FANCL: variants seen among roughly 807,000 people sequenced by gnomAD.
The protein encoded by FANCL is E3 ubiquitin-protein ligase FANCL.
In FANCL, 69 loss-of-function variants were observed where a neutral mutation model predicts 59.4. The ratio of observed to expected loss-of-function variants is 1.16; its 90% CI spans 0.96 to 1.42. FANCL has a LOEUF of 1.42. FANCL is among the 40% of genes most tolerant of loss of function. The pLI, the probability that FANCL is intolerant of heterozygous loss-of-function variation, is 0.00. For missense variants in FANCL, 519 were observed against 447.2 expected (o/e 1.16, Z -1.45); for synonymous variants, 180 against 147.1 (o/e 1.22, Z -1.62).
chr2:58,205,117 T>C (rs1690457469), intron 5 of FANCL, among the ~76,000 whole-genome samples: 1 of 152,016 alleles, frequency 6.6e-6, no homozygotes, highest in African/African-American at 2.4e-5. Context: ...AGGCTGATAG[T>C]AAGACCCATT....
intron 5 of FANCL, among the ~76,000 whole-genome samples, chr2:58,214,654 A>G (rs1029645631): frequency 6.6e-6 from 1 of 151,652 alleles, no homozygotes; most frequent in African/African-American, 2.4e-5. Flanking sequence ...GGTGCGTACC[A>G]CCACACCTAA....
chr2:58,213,870 C>T (rs1691433327), intron 5 of FANCL, among the ~76,000 whole-genome samples: 1 of 152,090 alleles, frequency 6.6e-6, no homozygotes, highest in Admixed American at 6.6e-5. Context: ...TGGTAAGATA[C>T]TTTTTATTAG....
intron 1 of FANCL, among the ~76,000 whole-genome samples, chr2:58,237,326 A>T (rs552428803): frequency 6.6e-6 from 1 of 152,296 alleles, no homozygotes; most frequent in East Asian, 1.9e-4. Context: ...AAAGATATCT[A>T]GAAAATCCTT....
chr2:58,214,941 C>T (rs1265238648), intron 5 of FANCL, among the ~76,000 whole-genome samples: 1 of 152,300 alleles, frequency 6.6e-6, no homozygotes, highest in East Asian at 1.9e-4. Context: ...AACGCTTCAA[C>T]TGATTTTTCT....
intron 7 of FANCL, among the ~76,000 whole-genome samples, chr2:58,198,308 C>G (rs2105098054): frequency 6.6e-6 from 1 of 152,188 alleles, no homozygotes; most frequent in South Asian, 2.1e-4. Context: ...CAACTGCAGA[C>G]AGAAAATATT....
chr2:58,182,951 T>G (rs980646443), intron 7 of FANCL, among the ~76,000 whole-genome samples: 3 of 151,830 alleles, frequency 2.0e-5, no homozygotes, highest in Non-Finnish European at 4.4e-5. Context: ...TCCCTTAGCA[T>G]TTGTAATACG....
At chr2:58,221,436 TA>T (rs966351930) in intron 5 of FANCL, among the ~76,000 whole-genome samples, 20 of 150,314 alleles carry the variant, frequency 1.3e-4, no homozygotes, top group South Asian at 2.1e-4. Flanking sequence ...GCATCAGTTT[TA>T]AAAAAAAAAT....
chr2:58,234,537 A>G (rs1558828496), intron 1 of FANCL, among the ~76,000 whole-genome samples: 1 of 151,914 alleles, frequency 6.6e-6, no homozygotes. Context: ...CAGAGTACAT[A>G]TAATTGGAGA....
intron 7 of FANCL, among the ~76,000 whole-genome samples, chr2:58,166,096 GGTT>G (rs1685925234): frequency 6.6e-6 from 1 of 151,942 alleles, no homozygotes; most frequent in African/African-American, 2.4e-5. Flanking sequence ...GAGAAAGAAT[GGTT>G]TTTTAAAAAT....
At chr2:58,191,952 G>T (rs1240936180) in intron 7 of FANCL, among the ~76,000 whole-genome samples, 1 of 151,746 alleles carries the variant, frequency 6.6e-6, no homozygotes, top group Non-Finnish European at 1.5e-5. Context: ...TTTACACAAG[G>T]TCATGCACTG....
Position 58,198,620 on chromosome 2 carries a change from G to C in FANCL, c.514C>G (p.Pro172Ala), listed in dbSNP as rs746986811. 6.2e-7 allele frequency: 1 copy of C among 1,613,866 alleles called. No homozygotes were observed. The highest frequency in any genetic ancestry group is 8.5e-7 in the Non-Finnish European group (1 of 1,179,868). Reference protein sequence around the residue: ...SPDYFVDFPVPFCASWTPQSS... With the variant: ...SPDYFVDFPVAFCASWTPQSS... ...TGAGGTGTCCAGGAGGCACAAAATG[G>C]AACAGGAAAATCCACAAAATAATCT... Residue 172 changes from proline to alanine, a missense_variant, in exon 7 of 14, where the codon CCA (proline) becomes GCA (alanine). Transcript: ENST00000233741.
At chr2:58,236,646 A>T (rs1694053612) in intron 1 of FANCL, among the ~76,000 whole-genome samples, 1 of 152,114 alleles carries the variant, frequency 6.6e-6, no homozygotes, top group Non-Finnish European at 1.5e-5. Context: ...AACCACGTTA[A>T]ATGTAAATAG....
At position 58,183,144 on chromosome 2, in the gene FANCL, T is replaced by C. The variant is rs147056032; in HGVS notation, c.540+15450A>G. Among the ~76,000 whole-genome samples, 49 of 151,906 alleles carry C rather than the reference T, an allele frequency of 3.2e-4. 1 individual carries two copies. In the East Asian group the frequency reaches 9.1e-3, roughly 28 times the overall value. ...TATCTGTACCATATTGGACAAAGGA[T>C]TGATACCCTTAATATATATAAGGTT... On this transcript the variant is annotated intron_variant, in intron 7 of 13. Transcript: ENST00000233741.
At chr2:58,167,037 C>T (rs1351574868) in intron 7 of FANCL, among the ~76,000 whole-genome samples, 1 of 152,158 alleles carries the variant, frequency 6.6e-6, no homozygotes, top group Non-Finnish European at 1.5e-5. Context: ...TAAGGTGAAA[C>T]CTTGTCTCTT....
chr2:58,169,848 T>A (rs758404552), intron 7 of FANCL, among the ~76,000 whole-genome samples: 1 of 151,668 alleles, frequency 6.6e-6, no homozygotes, highest in East Asian at 1.9e-4. Context: ...AAGACAAGAT[T>A]AGAGAAAAAA....
chr2:58,226,714 A>AG lies in FANCL; in HGVS notation c.273+13_273+14insC. 6.2e-7 allele frequency: 1 copy of AG among 1,611,570 alleles called. No homozygotes were observed. The highest frequency in any genetic ancestry group is 1.1e-5 in the South Asian group (1 of 90,882). On this transcript the variant is annotated intron_variant, in intron 4 of 13. Transcript: ENST00000233741. ...CAGTATGGTAACAGTGTCAGAAAAAAAAAAAATTCTTACCAAAAGCATCTT... is the reference window on the plus strand; with the variant it reads ...CAGTATGGTAACAGTGTCAGAAAAAAGAAAAAATTCTTACCAAAAGCATCTT...
intron 7 of FANCL, among the ~76,000 whole-genome samples, chr2:58,169,444 A>C (rs1241617630): frequency 1.3e-5 from 2 of 152,224 alleles, no homozygotes; most frequent in Admixed American, 6.5e-5. Flanking sequence ...CACGACGATG[A>C]GGAAAAACTC....
At chr2:58,222,584 T>A (rs550357993) in intron 4 of FANCL, among the ~76,000 whole-genome samples, 2 of 152,202 alleles carry the variant, frequency 1.3e-5, no homozygotes, top group Non-Finnish European at 2.9e-5. Flanking sequence ...CGGAGTATTA[T>A]GCCATCCATC....
intron 4 of FANCL, 135 bp downstream of exon 4, chr2:58,226,593 C>A: frequency 2.8e-6 from 2 of 704,642 alleles, no homozygotes; most frequent in Non-Finnish European, 5.0e-6. Context: ...TATTTATGTA[C>A]ACAGTAAAAG....
Sources: allele counts gnomAD v4.1 joint callset (sites outside exome capture counted in the v4.1 genomes callset), GRCh38; gene constraint gnomAD v4.1.1; transcripts MANE v1.5; gene names NCBI Gene and HGNC (gene_info 2026-07-23, HGNC 2026-07-21).